ANKS6: variants seen among roughly 807,000 people sequenced by gnomAD.
ANKS6 encodes ankyrin repeat and SAM domain-containing protein 6.
Under a neutral mutation model 77.9 loss-of-function variants are expected in ANKS6, and 47 were observed. The observed-to-expected ratio is 0.60, with a 90% confidence interval of 0.48 to 0.77. ANKS6 has a LOEUF of 0.77. ANKS6 is among the 30% of genes least tolerant of loss of function. The pLI is 0.00. For synonymous variants in ANKS6, 488 were observed against 501.7 expected (o/e 0.97, Z 0.37); for missense variants, 1,150 against 1,159.1 (o/e 0.99, Z 0.11).
chr9:98,773,565 C>T (rs1248522833), intron 9 of ANKS6, among the ~76,000 whole-genome samples: 1 of 152,142 alleles, frequency 6.6e-6, no homozygotes, highest in Non-Finnish European at 1.5e-5. Context: ...ACTCCCACTC[C>T]CTGGGTCCCA....
chr9:98,734,230 A>G lies in ANKS6; in HGVS notation c.*2289T>C, dbSNP rs1016345695. On this transcript the variant is annotated 3_prime_UTR_variant, in exon 15 of 15. Transcript: ENST00000353234. ...TTGAGTCCAGTGAAAAAGAAAGGAAAGGCATTGTCTGGAGCCTCTGCTGTC... is the reference window on the plus strand; with the variant it reads ...TTGAGTCCAGTGAAAAAGAAAGGAAGGGCATTGTCTGGAGCCTCTGCTGTC... 1 of 985,422 alleles carries G rather than the reference A, an allele frequency of 1.0e-6. No individual in the cohort carries two copies. The highest frequency in any genetic ancestry group is 1.2e-6 in the Non-Finnish European group (1 of 830,026). 61.0% of individuals were successfully genotyped at this position (985,422 alleles called of 1,614,324 possible).
chr9:98,794,859 T>C (rs561933028), intron 1 of ANKS6, among the ~76,000 whole-genome samples: 11 of 152,242 alleles, frequency 7.2e-5, no homozygotes, highest in African/African-American at 2.6e-4. Flanking sequence ...CTTACTCCCC[T>C]CACTGCCCTG....
chr9:98,749,918 G>C (rs946466182), intron 13 of ANKS6, among the ~76,000 whole-genome samples: 3 of 152,214 alleles, frequency 2.0e-5, no homozygotes, highest in Non-Finnish European at 4.4e-5. Context: ...CTGCTCACTG[G>C]AACGTTCTAA....
rs779212077 is a variant in ANKS6, at chr9:98,790,320, C to A, written c.646G>T (p.Asp216Tyr). 2 of 1,609,346 alleles carry A rather than the reference C, an allele frequency of 1.2e-6. No homozygotes were observed. Among genetic ancestry groups the A allele is most frequent in the Admixed American group, 3.3e-5 (2 of 59,960 alleles). ...VVRLLMEWGADPNHAARTVGW... is the reference protein window; with the variant it reads ...VVRLLMEWGAYPNHAARTVGW... ...ACGGTCCGGGCTGCGTGGTTGGGGT[C>A]CGCGCCCCACTCCATCAGTAGACGC... The change falls in exon 2 of 15, where the codon GAC (aspartate) becomes TAC (tyrosine). Residue 216 changes from aspartate to tyrosine, a missense_variant. By Grantham distance (160) the Asp-to-Tyr change is radical (BLOSUM62 -3). Coordinates refer to ENST00000353234, the MANE Select transcript of ANKS6 (RefSeq NM_173551.5).
At chr9:98,749,987 C>G (rs1321210380) in intron 13 of ANKS6, among the ~76,000 whole-genome samples, 1 of 152,176 alleles carries the variant, frequency 6.6e-6, no homozygotes, top group African/African-American at 2.4e-5. Context: ...TTGGCTAAAG[C>G]AGTAAATTTT....
intron 5 of ANKS6, among the ~76,000 whole-genome samples, chr9:98,781,125 C>T (rs1167320644): frequency 1.3e-5 from 2 of 152,108 alleles, no homozygotes; most frequent in Non-Finnish European, 2.9e-5. Flanking sequence ...GTCTCGAACC[C>T]CTGGCCTCAA....
chr9:98,735,387 A>G lies in ANKS6; in HGVS notation c.*1132T>C. The G allele has an allele frequency of 9.0e-7, 1 of 1,110,532 alleles. No individual in the cohort carries two copies. Among genetic ancestry groups the G allele is most frequent in the Non-Finnish European group, 1.1e-6 (1 of 912,318 alleles). 68.8% of individuals were successfully genotyped at this position (1,110,532 alleles called of 1,614,324 possible). On this transcript the variant is annotated 3_prime_UTR_variant, in exon 15 of 15. Coordinates refer to ENST00000353234, the MANE Select transcript of ANKS6 (RefSeq NM_173551.5). Reference sequence around the variant, plus strand: ...AAATGCAACAAGCACTGGCTGAATGAGTCATTCACTGGAAAACACTTCAGA... The same window carrying G: ...AAATGCAACAAGCACTGGCTGAATGGGTCATTCACTGGAAAACACTTCAGA...
In ANKS6 at chr9:98,733,242, T is replaced by A; in HGVS notation, c.*3277A>T. 1.0e-6 allele frequency: 1 copy of A among 985,534 alleles called. No individual in the cohort carries two copies. Among genetic ancestry groups the A allele is most frequent in the Non-Finnish European group, 1.2e-6 (1 of 830,016 alleles). 61.0% of individuals were successfully genotyped at this position (985,534 alleles called of 1,614,324 possible). On this transcript the variant is annotated 3_prime_UTR_variant, in exon 15 of 15. Transcript: ENST00000353234. The stretch of plus-strand genomic sequence containing the variant: ...TAAACAATCTCCTCACAAAACCAGC[T>A]GGCCTCCATGTAATTTTGTGGCGCT...
chr9:98,763,324 A>C (rs760916232), intron 11 of ANKS6, among the ~76,000 whole-genome samples: 14 of 152,116 alleles, frequency 9.2e-5, no homozygotes, highest in South Asian at 2.1e-4. Context: ...TGAAATCCCC[A>C]AAAACAGAAA....
At chr9:98,739,584 G>A (rs568331926) in intron 14 of ANKS6, among the ~76,000 whole-genome samples, 2 of 152,178 alleles carry the variant, frequency 1.3e-5, no homozygotes, top group East Asian at 3.9e-4. Context: ...TGATTAGAAG[G>A]CCTCAGACAC....
chr9:98,757,058 T>C (rs968772798), intron 11 of ANKS6, among the ~76,000 whole-genome samples: 2 of 152,202 alleles, frequency 1.3e-5, no homozygotes, highest in African/African-American at 2.4e-5. Flanking sequence ...CTTTTTCTCA[T>C]TGGTTAGCTT....
intron 4 of ANKS6, chr9:98,783,430 G>A (rs1342250174): frequency 6.6e-6 from 1 of 152,220 alleles, no homozygotes; most frequent in South Asian, 2.1e-4. Context: ...CAAAGACGAG[G>A]CCTCCAGGAG....
At chr9:98,770,848 C>G (rs1833581556) in intron 10 of ANKS6, 48 bp downstream of exon 10, 3 of 1,365,894 alleles carry the variant, frequency 2.2e-6, no homozygotes, top group Non-Finnish European at 1.9e-6. Context: ...CACCCTCAGT[C>G]CCAAGGGATC....
intron 9 of ANKS6, 64 bp from the exon 10 acceptor site, chr9:98,771,110 AC>A: frequency 7.1e-7 from 1 of 1,417,682 alleles, no homozygotes; most frequent in Non-Finnish European, 9.3e-7. Flanking sequence ...GTGCAGGATC[AC>A]AGTGTGGGGG....
rs145789444 is a variant in ANKS6, at chr9:98,777,367, G to A, written c.1617+38C>T. The A allele has an allele frequency of 0.013, 20,686 of 1,602,672 alleles. 166 individuals carry two copies. The highest frequency in any genetic ancestry group is 0.021 in the Middle Eastern group (130 of 6,048). ...GTAAATCAATCAACTGATGATTGCC[G>A]GAGACCTAAAATGCTTTTAGAAAAG... On this transcript the variant is annotated intron_variant, in intron 8 of 14. Coordinates refer to ENST00000353234, the MANE Select transcript of ANKS6 (RefSeq NM_173551.5).
chr9:98,773,318 T>C (rs1416644336), intron 9 of ANKS6, among the ~76,000 whole-genome samples: 3 of 152,216 alleles, frequency 2.0e-5, no homozygotes, highest in Non-Finnish European at 4.4e-5. Flanking sequence ...TCCCTTCGTC[T>C]TGCCCATTTG....
chr9:98,746,030 GA>G (rs1832110597), intron 13 of ANKS6: 1 of 284,168 alleles, frequency 3.5e-6, no homozygotes, highest in African/African-American at 2.2e-5. Context: ...AACAATATCG[GA>G]TACTGTACAA....
At position 98,784,115 on chromosome 9, in the gene ANKS6, C is replaced by A; in HGVS notation, c.950G>T (p.Ser317Ile). 6.4e-7 allele frequency: 1 copy of A among 1,568,742 alleles called. No homozygotes were observed. Among genetic ancestry groups the A allele is most frequent in the Non-Finnish European group, 8.7e-7 (1 of 1,152,204 alleles). The change falls in exon 4 of 15, where the codon AGC becomes ATC. Residue 317 changes from serine to isoleucine, a missense_variant. Physicochemically the swap from Ser to Ile is moderately radical, Grantham distance 142. Transcript: ENST00000353234. ...LVKEIADEDP[S>I]HVNLVNGDGA... The stretch of plus-strand genomic sequence containing the variant: ...GTCCCCATTGACCAAGTTCACGTGG[C>A]TGGGGTCTTCATCGGCAATCTCTTT...
chr9:98,744,756 T>A (rs1195695039), intron 14 of ANKS6, among the ~76,000 whole-genome samples: 2 of 151,962 alleles, frequency 1.3e-5, no homozygotes, highest in Non-Finnish European at 2.9e-5. Flanking sequence ...TATGGCAATA[T>A]TCATAATAGC....
Sources: gnomAD v4.1 joint callset for allele counts (sites outside exome capture counted in the v4.1 genomes callset) on GRCh38, gnomAD v4.1.1 for gene constraint, MANE v1.5 for transcripts, NCBI Gene and HGNC (gene_info 2026-07-23, HGNC 2026-07-21) for gene names.